Variants in PACRG observed in about 807,000 individuals in gnomAD.
The protein encoded by PACRG is parkin coregulated.
Under a neutral mutation model 29.7 loss-of-function variants are expected in PACRG, and 29 were observed. That is an observed-to-expected ratio of 0.98 (90% confidence interval 0.73 to 1.33). PACRG has a LOEUF of 1.33. Among genes scored for constraint, PACRG ranks in the 40% most tolerant of loss-of-function variants. The pLI, the probability that PACRG is intolerant of heterozygous loss-of-function variation, is 0.00. For missense variants in PACRG, 279 were observed against 316.2 expected, an observed-to-expected ratio of 0.88 and a Z score of 0.89; for synonymous variants, 116 against 118.7, an observed-to-expected ratio of 0.98 and a Z score of 0.15.
intron 2 of PACRG, among the ~76,000 whole-genome samples, chr6:162,948,875 G>T (rs1182763577): frequency 6.6e-6 from 1 of 151,942 alleles, no homozygotes; most frequent in African/African-American, 2.4e-5. Context: ...TTATCAAAAT[G>T]TCAAAAAATA....
chr6:163,191,805 C>T (rs1562957027), intron 4 of PACRG: 1 of 455,854 alleles, frequency 2.2e-6, no homozygotes. Context: ...TTCCAGCCAC[C>T]TTTTTTCTCT....
intron 1 of PACRG, among the ~76,000 whole-genome samples, chr6:162,792,195 A>G (rs573562868): frequency 6.6e-5 from 10 of 152,126 alleles, no homozygotes; most frequent in Non-Finnish European, 1.3e-4. Flanking sequence ...TCTAGGCAGC[A>G]TCTGCAAAGC....
intron 1 of PACRG, among the ~76,000 whole-genome samples, chr6:162,744,669 T>C (rs145667537): frequency 2.0e-5 from 3 of 152,272 alleles, no homozygotes; most frequent in African/African-American, 7.2e-5. Context: ...TTGAAATAGG[T>C]ACATAAGTTT....
intron 2 of PACRG, among the ~76,000 whole-genome samples, chr6:162,854,071 T>G (rs1233654542): frequency 6.6e-6 from 1 of 151,984 alleles, no homozygotes; most frequent in Non-Finnish European, 1.5e-5. Flanking sequence ...TCCCACATAT[T>G]TTGACTTAAA....
intron 1 of PACRG, among the ~76,000 whole-genome samples, chr6:162,801,613 C>T (rs1048216113): frequency 6.6e-6 from 1 of 152,100 alleles, no homozygotes; most frequent in Non-Finnish European, 1.5e-5. Context: ...TCTGCAAGTA[C>T]TTTAGACTAA....
intron 4 of PACRG, among the ~76,000 whole-genome samples, chr6:163,212,712 T>C (rs924461654): frequency 6.6e-6 from 1 of 151,356 alleles, no homozygotes; most frequent in Non-Finnish European, 1.5e-5. Context: ...CATTATTTCA[T>C]ATTATCTCCC....
intron 2 of PACRG, among the ~76,000 whole-genome samples, chr6:162,947,559 CATAT>C (rs1218221688): frequency 5.7e-5 from 4 of 70,260 alleles, no homozygotes; most frequent in Admixed American, 1.8e-4. Context: ...TATATATAAT[CATAT>C]ATATATACTC....
chr6:163,300,323 A>G (rs989094890), intron 4 of PACRG, among the ~76,000 whole-genome samples: 8 of 152,194 alleles, frequency 5.3e-5, no homozygotes, highest in Non-Finnish European at 1.0e-4. Context: ...ACCCCATCCC[A>G]AAGGGCCTAG....
At chr6:163,080,500 A>T (rs1039043893) in intron 3 of PACRG, among the ~76,000 whole-genome samples, 3 of 152,232 alleles carry the variant, frequency 2.0e-5, no homozygotes, top group African/African-American at 7.2e-5. Context: ...GTTGGATGAC[A>T]TGACGCTTCA....
intron 1 of PACRG, among the ~76,000 whole-genome samples, chr6:162,813,238 GTTAGTA>G (rs1438565351): frequency 1.4e-4 from 21 of 151,596 alleles, no homozygotes; most frequent in African/African-American, 5.1e-4. Flanking sequence ...TTTGTCTATA[GTTAGTA>G]TTAGCAAAGT....
At chr6:162,788,174 C>G (rs1230529609) in intron 1 of PACRG, among the ~76,000 whole-genome samples, 1 of 152,120 alleles carries the variant, frequency 6.6e-6, no homozygotes, top group East Asian at 1.9e-4. Context: ...ATTTATTTCT[C>G]CCTCCTCTGA....
chr6:163,199,630 C>T (rs1255785932), intron 4 of PACRG, among the ~76,000 whole-genome samples: 1 of 152,174 alleles, frequency 6.6e-6, no homozygotes, highest in African/African-American at 2.4e-5. Flanking sequence ...GCCTCTCAGG[C>T]ACCTAATACT....
At chr6:163,195,060 C>A (rs549538348) in intron 4 of PACRG, among the ~76,000 whole-genome samples, 1 of 152,058 alleles carries the variant, frequency 6.6e-6, no homozygotes, top group Non-Finnish European at 1.5e-5. Flanking sequence ...GATCTGGAGT[C>A]GATGGTAGAG....
intron 3 of PACRG, among the ~76,000 whole-genome samples, chr6:163,085,421 G>A (rs1813466739): frequency 6.6e-6 from 1 of 152,096 alleles, no homozygotes; most frequent in African/African-American, 2.4e-5. Flanking sequence ...AGGCAAGGTG[G>A]GACCCAGGGA....
intron 2 of PACRG, among the ~76,000 whole-genome samples, chr6:162,917,007 G>A (rs559712855): frequency 7.2e-5 from 11 of 152,146 alleles, no homozygotes; most frequent in East Asian, 3.9e-4. Flanking sequence ...TGGAACATCC[G>A]GATCACATTT....
intron 2 of PACRG, among the ~76,000 whole-genome samples, chr6:162,899,987 G>A (rs981832159): frequency 3.9e-5 from 6 of 152,132 alleles, no homozygotes; most frequent in African/African-American, 9.7e-5. Context: ...ATGAGGGGAA[G>A]GTCAGGGAGC....
intron 2 of PACRG, among the ~76,000 whole-genome samples, chr6:163,003,008 C>T (rs1804722497): frequency 6.6e-6 from 1 of 152,076 alleles, no homozygotes; most frequent in South Asian, 2.1e-4. Flanking sequence ...AACACTAGAC[C>T]CATATTCTTA....
intron 2 of PACRG, among the ~76,000 whole-genome samples, chr6:162,902,061 A>T (rs968785942): frequency 6.6e-6 from 1 of 152,168 alleles, no homozygotes; most frequent in Non-Finnish European, 1.5e-5. Context: ...CTTCTTCTTA[A>T]TCGTTTTTTG....
chr6:163,074,683 C>T (rs886411188), intron 3 of PACRG, among the ~76,000 whole-genome samples: 3 of 151,988 alleles, frequency 2.0e-5, no homozygotes, highest in African/African-American at 7.3e-5. Context: ...AATATATATA[C>T]CTACTATGTA....
Sources: gnomAD v4.1 joint callset for allele counts (sites outside exome capture counted in the v4.1 genomes callset) on GRCh38, gnomAD v4.1.1 for gene constraint, MANE v1.5 for transcripts, NCBI Gene and HGNC (gene_info 2026-07-23, HGNC 2026-07-21) for gene names.